The following TRIO variants were observed in gnomAD, a reference collection of about 807,000 sequenced individuals.
TRIO encodes the protein triple functional domain protein.
TRIO carries 58 observed loss-of-function variants against 351.9 expected under a neutral mutation model. That is an observed-to-expected ratio of 0.16 (90% CI 0.13 to 0.21). The LOEUF (loss-of-function observed/expected upper bound fraction) is 0.21. Among genes scored for constraint, TRIO ranks in the 10% least tolerant of loss-of-function variants. The pLI is 1.00. For missense variants in TRIO, 3,201 were observed against 4,027.8 expected (o/e 0.79, Z 5.56); for synonymous variants, 1,758 against 1,595.7 (o/e 1.10, Z -2.42).
intron 34 of TRIO, among the ~76,000 whole-genome samples, chr5:14,423,118 C>T (rs569420635): frequency 4.6e-5 from 7 of 152,336 alleles, no homozygotes; most frequent in Admixed American, 1.3e-4. Flanking sequence ...ATTAAACAGA[C>T]GCCGGGCATA....
chr5:14,169,463 G>A (rs1489826610), intron 1 of TRIO, among the ~76,000 whole-genome samples: 1 of 152,004 alleles, frequency 6.6e-6, no homozygotes, highest in Non-Finnish European at 1.5e-5. Context: ...TTGGATTACT[G>A]CTGTGTCTTT....
At chr5:14,236,169 A>C (rs1793755869) in intron 1 of TRIO, among the ~76,000 whole-genome samples, 1 of 152,122 alleles carries the variant, frequency 6.6e-6, no homozygotes, top group South Asian at 2.1e-4. Context: ...AGTAAAATAA[A>C]GCCTCCCCAC....
At chr5:14,336,825 A>G (rs1308986707) in intron 11 of TRIO, 98 bp downstream of exon 11, 9 of 1,345,740 alleles carry the variant, frequency 6.7e-6, no homozygotes, top group Non-Finnish European at 9.3e-6. Flanking sequence ...GAAAGTGGAC[A>G]AAGGTGGCAA....
chr5:14,344,126 A>G (rs1742192976), intron 11 of TRIO, among the ~76,000 whole-genome samples: 1 of 152,256 alleles, frequency 6.6e-6, no homozygotes, highest in South Asian at 2.1e-4. Flanking sequence ...CATGGGTACA[A>G]ATGAGTAATT....
At chr5:14,485,856 CGCAT>C (rs1755878320) in intron 47 of TRIO, among the ~76,000 whole-genome samples, 1 of 152,074 alleles carries the variant, frequency 6.6e-6, no homozygotes, top group African/African-American at 2.4e-5. Context: ...GGCGTGGTGG[CGCAT>C]GCCTGTAATC....
At chr5:14,474,201 G>A in intron 40 of TRIO, 104 bp downstream of exon 40, 1 of 1,109,240 alleles carries the variant, frequency 9.0e-7, no homozygotes, top group East Asian at 2.5e-5. Context: ...CGTATTACCT[G>A]TGTAGCCTCC....
At chr5:14,215,059 G>T (rs751472201) in intron 1 of TRIO, among the ~76,000 whole-genome samples, 8 of 152,130 alleles carry the variant, frequency 5.3e-5, no homozygotes, top group Non-Finnish European at 8.8e-5. Context: ...TTAAAAAGGA[G>T]GCTAGACTGT....
At chr5:14,389,178 G>C in intron 24 of TRIO, 111 bp from the exon 25 acceptor site, 1 of 802,584 alleles carries the variant, frequency 1.2e-6, no homozygotes. Context: ...CCAGTCCTTA[G>C]TTATACTTTC....
chr5:14,343,140 T>C (rs898259332), intron 11 of TRIO, among the ~76,000 whole-genome samples: 4 of 150,212 alleles, frequency 2.7e-5, no homozygotes, highest in African/African-American at 9.8e-5. Flanking sequence ...CCCATGCATC[T>C]TCACCAAGCC....
At chr5:14,281,432 C>G (rs533219718) in intron 3 of TRIO, among the ~76,000 whole-genome samples, 29 of 126,832 alleles carry the variant, frequency 2.3e-4, no homozygotes, top group South Asian at 1.8e-3. Flanking sequence ...GAACCCCCCC[C>G]CCCCGCCCCG....
At chr5:14,402,119 C>T (rs1748121645) in intron 31 of TRIO, among the ~76,000 whole-genome samples, 2 of 152,182 alleles carry the variant, frequency 1.3e-5, no homozygotes, top group African/African-American at 4.8e-5. Flanking sequence ...TATATGATAT[C>T]AGTTGCACCG....
chr5:14,467,717 G>A (rs995812638), intron 37 of TRIO, among the ~76,000 whole-genome samples: 1 of 152,178 alleles, frequency 6.6e-6, no homozygotes, highest in Non-Finnish European at 1.5e-5. Flanking sequence ...GGAGGCTGAG[G>A]TGGGAGGATC....
chr5:14,301,421 G>A (rs1284638690), intron 7 of TRIO, among the ~76,000 whole-genome samples: 1 of 151,990 alleles, frequency 6.6e-6, no homozygotes, highest in Non-Finnish European at 1.5e-5. Context: ...TTTTGATCTA[G>A]GGAGCACTTA....
intron 3 of TRIO, among the ~76,000 whole-genome samples, chr5:14,281,399 A>G (rs1312960112): frequency 2.1e-5 from 3 of 146,286 alleles, no homozygotes; most frequent in African/African-American, 5.3e-5. Flanking sequence ...GGACAGCACT[A>G]GGGAGATGGT....
At chr5:14,314,481 C>A (rs1340446799) in intron 8 of TRIO, among the ~76,000 whole-genome samples, 1 of 152,016 alleles carries the variant, frequency 6.6e-6, no homozygotes, top group East Asian at 1.9e-4. Flanking sequence ...TTATTGTGGT[C>A]ATGTGATATT....
At chr5:14,235,179 A>T (rs1793689594) in intron 1 of TRIO, among the ~76,000 whole-genome samples, 1 of 152,178 alleles carries the variant, frequency 6.6e-6, no homozygotes. Context: ...CTCAAAATAT[A>T]AGGGAAACCT....
In TRIO at chr5:14,286,841, C is replaced by T. The variant is rs192465021; in HGVS notation, c.348-30C>T. On this transcript the variant is annotated intron_variant, in intron 3 of 56. Coordinates refer to ENST00000344204, the MANE Select transcript of TRIO (RefSeq NM_007118.4). This position sits in a 1 kb window ranked among gnomAD's most constrained non-coding sequence, Gnocchi z 4.4. ...AGGCAGAGTGGCAAGAGATGTAACC[C>T]GTCTTCAGCCATGTTTTCTTTCTCT... 3.6e-5 allele frequency: 57 copies of T among 1,597,012 alleles called. No individual in the cohort carries two copies. The highest frequency in any genetic ancestry group is 2.1e-4 in the Middle Eastern group (1 of 4,662).
chr5:14,479,828 A>T, intron 42 of TRIO, 91 bp from the exon 43 acceptor site: 1 of 1,132,772 alleles, frequency 8.8e-7, no homozygotes, highest in Non-Finnish European at 1.3e-6. Flanking sequence ...TTTTACTGCC[A>T]GTGTTGTAGT....
At position 14,401,181 on chromosome 5, in the gene TRIO, G is replaced by A. The variant is rs892030170; in HGVS notation, c.4716+117G>A. The A allele has an allele frequency of 1.1e-4, 90 of 810,816 alleles. 2 individuals are homozygous for A. Among genetic ancestry groups the A allele is most frequent in the Admixed American group, 2.2e-4 (7 of 32,548 alleles). The allele number at this position is 810,816 out of a possible 1,614,324, so 50.2% of individuals were successfully genotyped here. The stretch of plus-strand genomic sequence containing the variant: ...TTGTTGTTGTTGTTTGTGTGTGTGT[G>A]TTCTATTCAGATTGGTGACTACCAC... On this transcript the variant is annotated intron_variant, in intron 31 of 56. Coordinates refer to ENST00000344204, the MANE Select transcript of TRIO (RefSeq NM_007118.4).
Sources: allele counts gnomAD v4.1 joint callset (sites outside exome capture counted in the v4.1 genomes callset), GRCh38; gene constraint gnomAD v4.1.1; non-coding constraint Gnocchi (gnomAD v3.1); transcripts MANE v1.5; gene names NCBI Gene and HGNC (gene_info 2026-07-23, HGNC 2026-07-21).